The following OR3A2 variants were observed in gnomAD, a reference collection of about 807,000 sequenced individuals.
OR3A2 encodes the protein olfactory receptor family 3 subfamily A member 2.
For missense variants in OR3A2, 318 were observed against 392.8 expected (o/e 0.81, Z 1.61); for synonymous variants, 126 against 159.3 (o/e 0.79, Z 1.57).
intron 2 of OR3A2, among the ~76,000 whole-genome samples, chr17:3,359,836 T>C (rs1016743284): frequency 1.3e-5 from 2 of 151,758 alleles, no homozygotes; most frequent in Admixed American, 6.6e-5. Flanking sequence ...GACATTTGGG[T>C]TGGTTCAAAG....
chr17:3,319,971 T>A (rs2049106436), intron 3 of OR3A2, among the ~76,000 whole-genome samples: 2 of 152,326 alleles, frequency 1.3e-5, no homozygotes, highest in Non-Finnish European at 2.9e-5. Context: ...CCACAATGGT[T>A]GAACTAGTTT....
intron 2 of OR3A2, among the ~76,000 whole-genome samples, chr17:3,344,499 C>T (rs1038525744): frequency 2.6e-5 from 4 of 152,070 alleles, no homozygotes; most frequent in African/African-American, 4.8e-5. Flanking sequence ...AGTCCCTCTC[C>T]GATTCCCTTC....
intron 2 of OR3A2, among the ~76,000 whole-genome samples, chr17:3,360,903 T>A (rs150347550): frequency 2.0e-5 from 3 of 151,836 alleles, no homozygotes; most frequent in African/African-American, 7.3e-5. Context: ...CGATCTGGGC[T>A]CCTTTTTGGC....
At chr17:3,321,921 T>G (rs898135933) in intron 3 of OR3A2, among the ~76,000 whole-genome samples, 1 of 152,164 alleles carries the variant, frequency 6.6e-6, no homozygotes, top group Non-Finnish European at 1.5e-5. Context: ...GATTCCCTCT[T>G]TTTCTTTTGA....
intron 2 of OR3A2, among the ~76,000 whole-genome samples, chr17:3,378,864 T>A (rs1347434362): frequency 1.3e-5 from 2 of 152,216 alleles, no homozygotes; most frequent in Non-Finnish European, 2.9e-5. Flanking sequence ...TAACTTGCTG[T>A]GCCCAAGTCT....
chr17:3,347,007 C>A (rs539861997), intron 2 of OR3A2, among the ~76,000 whole-genome samples: 2 of 152,280 alleles, frequency 1.3e-5, no homozygotes, highest in South Asian at 4.1e-4. Context: ...CATGGGAGAG[C>A]AGATCTCTCT....
intron 2 of OR3A2, among the ~76,000 whole-genome samples, chr17:3,364,145 A>G (rs1397556265): frequency 6.6e-6 from 1 of 152,236 alleles, no homozygotes; most frequent in Non-Finnish European, 1.5e-5. Context: ...CAGTAATTTT[A>G]AAAGCTAAGG....
intron 3 of OR3A2, among the ~76,000 whole-genome samples, chr17:3,304,978 A>G (rs1379616801): frequency 6.6e-6 from 1 of 152,236 alleles, no homozygotes; most frequent in African/African-American, 2.4e-5. Flanking sequence ...AAAAATCAGA[A>G]CAATAATTGT....
At chr17:3,384,070 G>A (rs1324582341) in intron 1 of OR3A2, among the ~76,000 whole-genome samples, 1 of 151,922 alleles carries the variant, frequency 6.6e-6, no homozygotes, top group Non-Finnish European at 1.5e-5. Context: ...ACAAGACAGT[G>A]AGATGTAGCT....
chr17:3,323,927 C>A (rs1231914729), intron 3 of OR3A2, among the ~76,000 whole-genome samples: 1 of 152,062 alleles, frequency 6.6e-6, no homozygotes, highest in Non-Finnish European at 1.5e-5. Context: ...GGGGGAAGTT[C>A]TCCTGGATAA....
chr17:3,298,694 A>C (rs940313392), intron 3 of OR3A2, among the ~76,000 whole-genome samples: 2 of 152,216 alleles, frequency 1.3e-5, no homozygotes, highest in African/African-American at 4.8e-5. Flanking sequence ...ATTAGGGAGC[A>C]GAAGGGGGCC....
At chr17:3,309,972 G>C (rs2049028272) in intron 3 of OR3A2, 2 of 217,346 alleles carry the variant, frequency 9.2e-6, no homozygotes. Context: ...CTGTAGACTT[G>C]GGGTTTCCTC....
At chr17:3,384,013 A>ATTGTATACAATATTTATTGAATAAATAT (rs1567574786) in intron 1 of OR3A2, 1 of 108,606 alleles carries the variant, frequency 9.2e-6, no homozygotes, top group African/African-American at 3.4e-5. Flanking sequence ...TTGAATAAAT[A>ATTGTATACAATATTTATTGAATAAATAT]TTGTATACAA....
intron 2 of OR3A2, among the ~76,000 whole-genome samples, chr17:3,344,423 G>T (rs999775164): frequency 6.6e-6 from 1 of 152,042 alleles, no homozygotes; most frequent in African/African-American, 2.4e-5. Context: ...GGCCACTACT[G>T]TACCTTGGAG....
rs571870564 is a variant in OR3A2, at chr17:3,290,783, T to C, written c.-84-11630A>G. 1.8e-4 allele frequency among the ~76,000 whole-genome samples: 27 copies of C among 152,318 alleles called. No homozygotes were observed. In the South Asian group the frequency reaches 5.6e-3, roughly 32 times the overall value. Reference sequence around the variant, plus strand: ...TCACCATATGACTTGCATTTATAGTTATGGATTATCTCAGCAAGGAGGTTT... The same window carrying C: ...TCACCATATGACTTGCATTTATAGTCATGGATTATCTCAGCAAGGAGGTTT... On this transcript the variant is annotated intron_variant, in intron 3 of 4. Transcript: ENST00000573491.
chr17:3,362,578 C>CGTA (rs1196296362), intron 2 of OR3A2, among the ~76,000 whole-genome samples: 4 of 151,638 alleles, frequency 2.6e-5, no homozygotes, highest in Admixed American at 6.6e-5. Context: ...TCCCTCTACA[C>CGTA]ACTGCTTTAA....
chr17:3,291,673 T>C (rs749398145), intron 3 of OR3A2: 11 of 1,607,282 alleles, frequency 6.8e-6, no homozygotes, highest in Middle Eastern at 1.6e-4. Flanking sequence ...ATCCTCCAGA[T>C]GGCACTCTGC....
At chr17:3,356,106 A>G (rs905230959) in intron 2 of OR3A2, among the ~76,000 whole-genome samples, 1 of 151,494 alleles carries the variant, frequency 6.6e-6, no homozygotes, top group Non-Finnish European at 1.5e-5. Flanking sequence ...CAAACACACA[A>G]AAAGAAATAA....
Position 3,290,663 on chromosome 17 carries a change from C to T in OR3A2, c.-84-11510G>A, listed in dbSNP as rs187678606. 3.7e-4 allele frequency among the ~76,000 whole-genome samples: 57 copies of T among 152,260 alleles called. 1 individual carries two copies. The East Asian group carries it at 8.3e-3, about 22-fold the overall frequency. ...TAAATGGGAAGCTGAAAAGATACAG[C>T]GAAATCATGGCTGGTTTAACTTCAA... is the stretch of plus-strand genomic sequence containing the variant. On this transcript the variant is annotated intron_variant, in intron 3 of 4. Coordinates refer to the OR3A2 transcript ENST00000573491.
Sources: gnomAD v4.1 joint callset for allele counts (sites outside exome capture counted in the v4.1 genomes callset) on GRCh38, gnomAD v4.1.1 for gene constraint, MANE v1.5 for transcripts, NCBI Gene and HGNC (gene_info 2026-07-23, HGNC 2026-07-21) for gene names.